The following MATR3 variants were observed in gnomAD, a reference collection of about 807,000 sequenced individuals.
MATR3 encodes matrin-3.
A neutral mutation model predicts 85.5 loss-of-function variants in MATR3; 4 were observed. That is an observed-to-expected ratio of 0.05 (90% confidence interval 0.02 to 0.11). The LOEUF is 0.11. Ranked by LOEUF, MATR3 falls within the 10% of genes least tolerant of loss-of-function variation. MATR3 has a pLI of 1.00. For missense variants in MATR3, 685 were observed against 1,016.1 expected, an observed-to-expected ratio of 0.67 and a Z score of 4.43; for synonymous variants, 336 against 343.1, an observed-to-expected ratio of 0.98 and a Z score of 0.23.
chr5:139,276,567 A>G (rs1753283553), intron 2 of MATR3, among the ~76,000 whole-genome samples: 1 of 152,222 alleles, frequency 6.6e-6, no homozygotes, highest in Non-Finnish European at 1.5e-5. Flanking sequence ...TTTGCAGAGA[A>G]TAAGTCCAGA....
chr5:139,317,829 G>A lies in MATR3; in HGVS notation c.1308+108G>A, dbSNP rs1755330930. On this transcript the variant is annotated intron_variant, in intron 7 of 14. Transcript: ENST00000394805. ...AAAATAAAACTCAAGGTAATCTTAAGTTTATCAAATGCAGAATGTAGTAGA... is the reference window on the plus strand; with the variant it reads ...AAAATAAAACTCAAGGTAATCTTAAATTTATCAAATGCAGAATGTAGTAGA... 4.4e-6 allele frequency: 5 copies of A among 1,131,322 alleles called. No homozygotes were observed. The East Asian group carries it at 1.3e-4, about 30-fold the overall frequency. The allele number at this position is 1,131,322 out of a possible 1,614,324, so 70.1% of individuals were successfully genotyped here.
chr5:139,276,647 G>C (rs1042810683), intron 2 of MATR3, among the ~76,000 whole-genome samples: 8 of 152,168 alleles, frequency 5.3e-5, no homozygotes, highest in East Asian at 3.8e-4. Flanking sequence ...CTTGGAAACA[G>C]AACAAAGCTA....
Position 139,316,185 on chromosome 5 carries a change from C to T in MATR3, c.1126C>T (p.Leu376=). The change falls in exon 5 of 15, where the codon CTG becomes TTG. Residue 376 remains leucine (L), a synonymous_variant. Coordinates refer to ENST00000394805, the MANE Select transcript of MATR3 (RefSeq NM_018834.6). ...GGPAVGPRGN[L]GAGNGNLQGP... ...ACCAGCAGTTGGACCAAGAGGAAATCTGGGTAATTATATAAAATTCATGTT... is the reference window on the plus strand; with the variant it reads ...ACCAGCAGTTGGACCAAGAGGAAATTTGGGTAATTATATAAAATTCATGTT... The T allele has an allele frequency of 1.2e-6, 2 of 1,606,142 alleles. No individual in the cohort carries two copies. The highest frequency in any genetic ancestry group is 1.7e-6 in the Non-Finnish European group (2 of 1,173,020).
In MATR3 at chr5:139,278,435, T is replaced by C. The variant is rs191189910; in HGVS notation, c.-256-616T>C. ...TAAATATCCCTATTCATTCCAACAT[T>C]GACTACCTCCTCTGTGCCAGGCCTG... On this transcript the variant is annotated intron_variant, in intron 2 of 16. Coordinates refer to ENST00000509990, the Ensembl canonical transcript of MATR3. 1.3e-4 allele frequency: 58 copies of C among 445,210 alleles called. 1 individual carries two copies. In the East Asian group the frequency reaches 4.0e-3, roughly 30 times the overall value. The allele number at this position is 445,210 out of a possible 1,614,324, so 27.6% of individuals were successfully genotyped here. A position where few individuals can be genotyped will look rare whatever the true frequency, so the allele number is the denominator to read the frequency against.
At chr5:139,298,355 C>T (rs1379209698) in intron 1 of MATR3, among the ~76,000 whole-genome samples, 1 of 152,130 alleles carries the variant, frequency 6.6e-6, no homozygotes, top group Admixed American at 6.5e-5. Flanking sequence ...CAGATCACTT[C>T]AGGCCAGGAG....
rs1433465272 is a variant in MATR3, at chr5:139,316,083, C to T, written c.1024C>T (p.Pro342Ser). Residue 342 changes from proline to serine, a missense_variant, in exon 5 of 15, where the codon CCA becomes TCA. By Grantham distance (74) the Pro-to-Ser change is moderately conservative. Around this residue, in one of 9 missense-constraint regions of MATR3, gnomAD observed 223 missense variants for 334.4 expected, o/e 0.67. Transcript: ENST00000394805. ...ATGTCTTCACTTTACTAGGGGTGAT[C>T]CATTCATGTTGCAGCAGTCTACAAA... ...DNDTGHTMGD[P>S]FMLQQSTNPA... 2 of 1,606,912 alleles carry T rather than the reference C, an allele frequency of 1.2e-6. No individual in the cohort carries two copies. The highest frequency in any genetic ancestry group is 1.7e-6 in the Non-Finnish European group (2 of 1,174,066).
chr5:139,292,012 A>G (rs1046522246), upstream of MATR3: 2 of 128,932 alleles, frequency 1.6e-5, no homozygotes, highest in African/African-American at 6.0e-5. Context: ...GCAGTGGTGC[A>G]CTAGGCTCAC....
At chr5:139,308,732 G>A (rs941161534) in intron 2 of MATR3, among the ~76,000 whole-genome samples, 1 of 152,126 alleles carries the variant, frequency 6.6e-6, no homozygotes, top group African/African-American at 2.4e-5. Context: ...TGATTTGTAT[G>A]TAGTAAAGAT....
chr5:139,288,590 C>G (rs1358155076), intron 3 of MATR3, among the ~76,000 whole-genome samples: 1 of 151,918 alleles, frequency 6.6e-6, no homozygotes, highest in Non-Finnish European at 1.5e-5. Context: ...GTAAGATTCC[C>G]TCCAAAAAAA....
intron 1 of MATR3, among the ~76,000 whole-genome samples, chr5:139,296,131 C>T (rs943132922): frequency 1.3e-5 from 2 of 152,040 alleles, no homozygotes; most frequent in Non-Finnish European, 2.9e-5. Context: ...AGGAATTTAT[C>T]CTAAGGAAGT....
At chr5:139,296,861 C>T (rs1377697295) in intron 1 of MATR3, among the ~76,000 whole-genome samples, 3 of 152,102 alleles carry the variant, frequency 2.0e-5, no homozygotes, top group Non-Finnish European at 4.4e-5. Context: ...TACAGCTATC[C>T]CACACTTCTG....
At chr5:139,321,085 G>A (rs934847330) in intron 9 of MATR3, among the ~76,000 whole-genome samples, 1 of 151,644 alleles carries the variant, frequency 6.6e-6, no homozygotes, top group African/African-American at 2.4e-5. Flanking sequence ...AGTGTATATA[G>A]ATGGCTTAGT....
At chr5:139,317,574 G>GTT (rs761351139) in intron 6 of MATR3, 22 bp from the exon 7 acceptor site, 5 of 1,603,716 alleles carry the variant, frequency 3.1e-6, no homozygotes, top group Non-Finnish European at 4.3e-6. Flanking sequence ...TAATTGCTTG[G>GTT]TTTTTTTCCC....
At position 139,329,553 on chromosome 5, in the gene MATR3, T is replaced by C. The variant is rs559340917; in HGVS notation, c.*158T>C. ...ATGTCTGTTCATGTGTTAAGTGTTA[T>C]AGCAAAAAAAATACACATATGGTTA... On this transcript the variant is annotated 3_prime_UTR_variant, in exon 15 of 15. Coordinates refer to ENST00000394805, the MANE Select transcript of MATR3 (RefSeq NM_018834.6). 11 of 677,746 alleles carry C rather than the reference T, an allele frequency of 1.6e-5. No homozygotes were observed. Among genetic ancestry groups the C allele is most frequent in the African/African-American group, 5.4e-5 (3 of 55,816 alleles). 42.0% of individuals were successfully genotyped at this position (677,746 alleles called of 1,614,324 possible). A position where few individuals can be genotyped will look rare whatever the true frequency, so the allele number is the denominator to read the frequency against.
At chr5:139,323,351 T>A (rs189345401) in intron 12 of MATR3, among the ~76,000 whole-genome samples, 184 of 152,338 alleles carry the variant, frequency 1.2e-3, no homozygotes, top group African/African-American at 4.1e-3. Flanking sequence ...TTAAAACTTT[T>A]GCCACTCATT....
At chr5:139,287,932 C>G (rs1352940789) in intron 3 of MATR3, among the ~76,000 whole-genome samples, 1 of 151,710 alleles carries the variant, frequency 6.6e-6, no homozygotes, top group Non-Finnish European at 1.5e-5. Flanking sequence ...TTTTGGTGGC[C>G]GGGCATGGTG....
chr5:139,319,183 A>C, intron 8 of MATR3, 150 bp downstream of exon 8: 1 of 1,236,514 alleles, frequency 8.1e-7, no homozygotes, highest in African/African-American at 1.5e-5. Context: ...CAGAAGGATT[A>C]TGTGAGGCCC....
At chr5:139,327,413 G>A (rs994902003) in intron 14 of MATR3, among the ~76,000 whole-genome samples, 2 of 151,504 alleles carry the variant, frequency 1.3e-5, no homozygotes, top group African/African-American at 4.9e-5. Context: ...CAGCAATGTA[G>A]TACAAATTAT....
intron 1 of MATR3, among the ~76,000 whole-genome samples, chr5:139,304,329 C>T (rs1408982878): frequency 2.6e-5 from 4 of 151,886 alleles, no homozygotes; most frequent in African/African-American, 7.3e-5. Flanking sequence ...GGAGAAACCC[C>T]GTCTCTACTA....
Sources: allele counts gnomAD v4.1 joint callset (sites outside exome capture counted in the v4.1 genomes callset), GRCh38; gene constraint gnomAD v4.1.1; regional missense constraint gnomAD v4.1.1; transcripts MANE v1.5; gene names NCBI Gene and HGNC (gene_info 2026-07-23, HGNC 2026-07-21).